Variants in AUTS2 observed in about 807,000 individuals in gnomAD.
The protein encoded by AUTS2 is activator of transcription and developmental regulator AUTS2, also known as autism susceptibility gene 2 protein.
A neutral mutation model predicts 112.4 loss-of-function variants in AUTS2; 17 were observed. The ratio of observed to expected loss-of-function variants is 0.15; its 90% CI spans 0.10 to 0.23. The LOEUF (loss-of-function observed/expected upper bound fraction) is 0.23. Ranked by LOEUF, AUTS2 falls within the 10% of genes least tolerant of loss-of-function variation. The pLI, the probability that AUTS2 is intolerant of heterozygous loss-of-function variation, is 1.00. For missense variants in AUTS2, 1,510 were observed against 1,701.6 expected (o/e 0.89, Z 1.98); for synonymous variants, 751 against 702.7 (o/e 1.07, Z -1.09).
At chr7:70,670,062 C>G (rs1266891686) in intron 5 of AUTS2, among the ~76,000 whole-genome samples, 1 of 152,160 alleles carries the variant, frequency 6.6e-6, no homozygotes, top group African/African-American at 2.4e-5. Flanking sequence ...TGTAGGCGCA[C>G]CTCAGGCACA....
At chr7:70,011,115 TC>T (rs1237720256) in intron 2 of AUTS2, among the ~76,000 whole-genome samples, 3 of 152,172 alleles carry the variant, frequency 2.0e-5, no homozygotes, top group East Asian at 3.8e-4. Context: ...GCAAGATTTC[TC>T]CCTGTGGCCT....
At chr7:69,671,633 T>C (rs959165539) in intron 1 of AUTS2, among the ~76,000 whole-genome samples, 3 of 152,018 alleles carry the variant, frequency 2.0e-5, no homozygotes, top group Non-Finnish European at 4.4e-5. Flanking sequence ...ATCTCAGGGT[T>C]TTTTTGGTAA....
At chr7:69,797,538 G>A (rs1176715668) in intron 1 of AUTS2, among the ~76,000 whole-genome samples, 2 of 152,142 alleles carry the variant, frequency 1.3e-5, no homozygotes, top group Non-Finnish European at 2.9e-5. Flanking sequence ...AATGAGAAGG[G>A]AAATTGACCT....
At chr7:70,533,573 A>C (rs1488830974) in intron 5 of AUTS2, among the ~76,000 whole-genome samples, 1 of 152,200 alleles carries the variant, frequency 6.6e-6, no homozygotes, top group African/African-American at 2.4e-5. Context: ...TTTTCTGTTC[A>C]GCTGTCCCTT....
chr7:70,125,643 C>T (rs1361669600), intron 3 of AUTS2, among the ~76,000 whole-genome samples: 2 of 152,132 alleles, frequency 1.3e-5, no homozygotes, highest in Non-Finnish European at 2.9e-5. Flanking sequence ...CTTTGCCTCC[C>T]CTTATTCTCA....
At chr7:70,137,887 A>G (rs551446222) in intron 4 of AUTS2, among the ~76,000 whole-genome samples, 11 of 152,266 alleles carry the variant, frequency 7.2e-5, no homozygotes, top group African/African-American at 2.6e-4. Context: ...TATTCTTATT[A>G]TATTCTTCTT....
In AUTS2 at chr7:70,763,149, C is replaced by G; in HGVS notation, c.1022C>G (p.Pro341Arg). 6.2e-7 allele frequency: 1 copy of G among 1,613,976 alleles called. No individual in the cohort carries two copies. Among genetic ancestry groups the G allele is most frequent in the Non-Finnish European group, 8.5e-7 (1 of 1,179,944 alleles). ...CAACCCCCACCTCTGAGTACACAGC[C>G]ACCACAGGGCCCTCCTGAGGCCCAG... ...PPQPPPLSTQ[P>R]PQGPPEAQLQ... The change falls in exon 7 of 19, where the codon CCA becomes CGA. Residue 341 changes from proline to arginine, a missense_variant. Coordinates refer to ENST00000342771, the MANE Select transcript of AUTS2 (RefSeq NM_015570.4).
intron 1 of AUTS2, among the ~76,000 whole-genome samples, chr7:69,817,990 C>G (rs1790835096): frequency 6.6e-6 from 1 of 152,150 alleles, no homozygotes; most frequent in Non-Finnish European, 1.5e-5. Flanking sequence ...GCTGCAGCCC[C>G]TTTGTTTGTG....
At chr7:70,566,492 G>A (rs180865578) in intron 5 of AUTS2, among the ~76,000 whole-genome samples, 111 of 152,132 alleles carry the variant, frequency 7.3e-4, no homozygotes, top group African/African-American at 2.6e-3. Flanking sequence ...GGAATGGATC[G>A]GCCTTAGGAA....
At chr7:70,715,910 AC>A (rs1430834442) in intron 6 of AUTS2, among the ~76,000 whole-genome samples, 1 of 152,176 alleles carries the variant, frequency 6.6e-6, no homozygotes, top group African/African-American at 2.4e-5. Flanking sequence ...ACCCATGGTG[AC>A]CCACAGGGTG....
At chr7:69,986,802 C>T (rs571074499) in intron 2 of AUTS2, among the ~76,000 whole-genome samples, 1 of 152,162 alleles carries the variant, frequency 6.6e-6, no homozygotes, top group African/African-American at 2.4e-5. Flanking sequence ...TGTATGCTAC[C>T]CTGTCTGTGA....
In AUTS2 at chr7:69,860,577, C is replaced by T. The variant is rs190953022; in HGVS notation, c.310-38709C>T. ...TTTCCTTCCACTTGCAGAGCTGGTC[C>T]GTCTGTCACTGGCCCAGTTCCTCCC... On this transcript the variant is annotated intron_variant, in intron 1 of 18. Coordinates refer to ENST00000342771, the MANE Select transcript of AUTS2 (RefSeq NM_015570.4). 8.7e-3 allele frequency among the ~76,000 whole-genome samples: 1,331 copies of T among 152,204 alleles called. 11 individuals carry two copies. The highest frequency in any genetic ancestry group is 0.031 in the Middle Eastern group (9 of 294).
At chr7:69,622,574 G>T (rs566226103) in intron 1 of AUTS2, among the ~76,000 whole-genome samples, 2 of 152,090 alleles carry the variant, frequency 1.3e-5, no homozygotes, top group Admixed American at 6.5e-5. Flanking sequence ...ATAGGGAAAG[G>T]CTCCTAGACT....
chr7:69,713,861 C>T lies in AUTS2; in HGVS notation c.309+113899C>T, dbSNP rs546171633. On this transcript the variant is annotated intron_variant, in intron 1 of 18. Transcript: ENST00000342771. ...GTGGTTTGTATTTTCATTGACTTAA[C>T]GGTGTCTTTTGAATAATAGAGGTTT... Among the ~76,000 whole-genome samples the T allele has an allele frequency of 3.2e-4, 49 of 152,128 alleles. 1 individual carries two copies. The South Asian group carries it at 9.3e-3, about 29-fold the overall frequency.
intron 5 of AUTS2, among the ~76,000 whole-genome samples, chr7:70,541,405 C>T (rs548649896): frequency 6.6e-6 from 1 of 152,308 alleles, no homozygotes; most frequent in East Asian, 1.9e-4. Context: ...TCTTCACATA[C>T]ATAACTGCTC....
At chr7:70,785,851 C>G in intron 16 of AUTS2, 104 bp from the exon 17 acceptor site, 1 of 1,026,128 alleles carries the variant, frequency 9.7e-7, no homozygotes, top group Non-Finnish European at 1.5e-6. Flanking sequence ...CAGGTGGGGG[C>G]GTAGAGAGGG....
chr7:70,718,811 T>C (rs1338152946), intron 6 of AUTS2, among the ~76,000 whole-genome samples: 1 of 152,150 alleles, frequency 6.6e-6, no homozygotes, highest in Non-Finnish European at 1.5e-5. Flanking sequence ...ATACCTTGCA[T>C]TGGTATATCT....
At chr7:70,158,879 A>G (rs1807927479) in intron 4 of AUTS2, among the ~76,000 whole-genome samples, 1 of 152,184 alleles carries the variant, frequency 6.6e-6, no homozygotes, top group Admixed American at 6.5e-5. Flanking sequence ...GATATACTCA[A>G]GGCAATAAAT....
intron 4 of AUTS2, among the ~76,000 whole-genome samples, chr7:70,408,371 C>A (rs753418315): frequency 1.1e-4 from 17 of 152,104 alleles, no homozygotes; most frequent in Non-Finnish European, 2.4e-4. Context: ...TAAGCAGAAC[C>A]ACAGTGGGGA....
Sources: gnomAD v4.1 joint callset for allele counts (sites outside exome capture counted in the v4.1 genomes callset) on GRCh38, gnomAD v4.1.1 for gene constraint, MANE v1.5 for transcripts, NCBI Gene and HGNC (gene_info 2026-07-23, HGNC 2026-07-21) for gene names.